SORCS2: variants seen among roughly 807,000 people sequenced by gnomAD.
SORCS2 encodes the protein VPS10 domain-containing receptor SorCS2.
SORCS2 carries 100 observed loss-of-function variants against 141.6 expected under a neutral mutation model. The ratio of observed to expected loss-of-function variants is 0.71; its 90% confidence interval spans 0.60 to 0.83. The LOEUF (loss-of-function observed/expected upper bound fraction) is 0.83. Ranked by LOEUF, SORCS2 falls within the 40% of genes least tolerant of loss-of-function variation. SORCS2 has a pLI of 0.00. For synonymous variants in SORCS2, 789 were observed against 676.9 expected, an observed-to-expected ratio of 1.17 and a Z score of -2.57; for missense variants, 1,646 against 1,560.2, an observed-to-expected ratio of 1.05 and a Z score of -0.93.
At chr4:7,235,918 T>G (rs1352010505) in intron 1 of SORCS2, among the ~76,000 whole-genome samples, 1 of 152,122 alleles carries the variant, frequency 6.6e-6, no homozygotes, top group Non-Finnish European at 1.5e-5. Flanking sequence ...AAACTCTAGG[T>G]GCGAGTGTAA....
intron 1 of SORCS2, among the ~76,000 whole-genome samples, chr4:7,338,070 GAA>G (rs1720101028): frequency 1.3e-5 from 2 of 151,798 alleles, no homozygotes; most frequent in African/African-American, 4.8e-5. Context: ...CTGGCACCTA[GAA>G]GATGTTGGCT....
intron 3 of SORCS2, among the ~76,000 whole-genome samples, chr4:7,601,088 G>A (rs1198042413): frequency 3.9e-5 from 6 of 152,138 alleles, no homozygotes; most frequent in African/African-American, 1.2e-4. Context: ...GTTTCGCCGT[G>A]TTTCCTGGTC....
At chr4:7,254,490 T>TGTGGAGTGATAGACA (rs1267641553) in intron 1 of SORCS2, among the ~76,000 whole-genome samples, 3 of 151,992 alleles carry the variant, frequency 2.0e-5, no homozygotes, top group Admixed American at 1.3e-4. Flanking sequence ...GACTTATGAG[T>TGTGGAGTGATAGACA]GTGGAGTGAT....
At chr4:7,426,968 T>C (rs1577541964) in intron 2 of SORCS2, among the ~76,000 whole-genome samples, 1 of 152,138 alleles carries the variant, frequency 6.6e-6, no homozygotes, top group Non-Finnish European at 1.5e-5. Flanking sequence ...ACAGGCTTCC[T>C]GGGGCAGCCA....
At chr4:7,217,163 A>AC (rs994862766) in intron 1 of SORCS2, among the ~76,000 whole-genome samples, 8 of 152,232 alleles carry the variant, frequency 5.3e-5, no homozygotes, top group African/African-American at 1.9e-4. Context: ...CTGCAGCCTG[A>AC]CCAGCCTCAT....
In SORCS2 at chr4:7,254,812, G is replaced by T. The variant is rs78738897; in HGVS notation, c.480+61686G>T. Among the ~76,000 whole-genome samples the T allele has an allele frequency of 3.5e-3, 526 of 152,214 alleles. 1 individual carries two copies. Among genetic ancestry groups the T allele is most frequent in the African/African-American group, 0.012 (501 of 41,516 alleles). On this transcript the variant is annotated intron_variant, in intron 1 of 26. Transcript: ENST00000507866. Reference sequence around the variant, plus strand: ...GGAGGATTCTAATAACAGTGACTGTGCAGTGCTGTTGAGAGCAGAGTCTCT... The same window carrying T: ...GGAGGATTCTAATAACAGTGACTGTTCAGTGCTGTTGAGAGCAGAGTCTCT...
At chr4:7,699,889 T>C (rs923981493) in intron 12 of SORCS2, among the ~76,000 whole-genome samples, 1 of 152,118 alleles carries the variant, frequency 6.6e-6, no homozygotes, top group African/African-American at 2.4e-5. Flanking sequence ...TCCTAAATCA[T>C]TGTGGGAGCC....
intron 3 of SORCS2, among the ~76,000 whole-genome samples, chr4:7,627,741 C>A (rs1305236100): frequency 6.6e-6 from 1 of 151,016 alleles, no homozygotes; most frequent in African/African-American, 2.4e-5. Context: ...GCCCTCGGTC[C>A]ACACAAGAGA....
chr4:7,319,521 A>G (rs1258135965), intron 1 of SORCS2, among the ~76,000 whole-genome samples: 2 of 152,150 alleles, frequency 1.3e-5, no homozygotes, highest in Admixed American at 6.5e-5. Context: ...TCTGGACAAC[A>G]TAGTGAGATC....
At chr4:7,228,275 C>T (rs532997428) in intron 1 of SORCS2, among the ~76,000 whole-genome samples, 2 of 152,278 alleles carry the variant, frequency 1.3e-5, no homozygotes, top group South Asian at 4.1e-4. Flanking sequence ...ATTCTGACCA[C>T]CTTCTTTTAA....
rs1716224792 is a variant in SORCS2, at chr4:7,286,394, G to A, written c.480+93268G>A. On this transcript the variant is annotated intron_variant, in intron 1 of 26. Coordinates refer to ENST00000507866, the MANE Select transcript of SORCS2 (RefSeq NM_020777.3). The surrounding 1 kb of genome is among the most constrained non-coding windows in gnomAD (Gnocchi z 4.1). ...GGGAGCTACCTACTTTGGCCAGAAC[G>A]GAGCAGGGTGTGGGCGAAGGGAGAC... Among the ~76,000 whole-genome samples the A allele has an allele frequency of 6.6e-6, 1 of 152,194 alleles. No individual in the cohort carries two copies. Among genetic ancestry groups the A allele is most frequent in the African/African-American group, 2.4e-5 (1 of 41,446 alleles).
At chr4:7,289,973 A>G (rs1716500674) in intron 1 of SORCS2, among the ~76,000 whole-genome samples, 1 of 152,138 alleles carries the variant, frequency 6.6e-6, no homozygotes, top group African/African-American at 2.4e-5. Context: ...TTGCCTGAAA[A>G]GCCATCCTCT....
chr4:7,581,509 G>A (rs1247817468), intron 3 of SORCS2, among the ~76,000 whole-genome samples: 1 of 152,188 alleles, frequency 6.6e-6, no homozygotes, highest in African/African-American at 2.4e-5. Context: ...TGTTACGCAT[G>A]TGGCTGCTAT....
chr4:7,559,166 G>A (rs932208910), intron 3 of SORCS2, among the ~76,000 whole-genome samples: 4 of 152,118 alleles, frequency 2.6e-5, no homozygotes, highest in Admixed American at 2.6e-4. Context: ...GCTGCACTCT[G>A]CCCTGGCCTC....
At chr4:7,483,250 G>A (rs1730762644) in intron 2 of SORCS2, among the ~76,000 whole-genome samples, 1 of 150,670 alleles carries the variant, frequency 6.6e-6, no homozygotes, top group South Asian at 2.1e-4. Flanking sequence ...GTGAACCCGG[G>A]AGACGGAGGT....
At chr4:7,453,698 C>A (rs1728656196) in intron 2 of SORCS2, among the ~76,000 whole-genome samples, 1 of 113,356 alleles carries the variant, frequency 8.8e-6, no homozygotes, top group African/African-American at 3.6e-5. Context: ...TGGGGTCAGG[C>A]ACTGTGTTGG....
chr4:7,377,552 A>T (rs1220445097), intron 1 of SORCS2, among the ~76,000 whole-genome samples: 2 of 152,158 alleles, frequency 1.3e-5, no homozygotes, highest in African/African-American at 4.8e-5. Flanking sequence ...ACTTTCAATC[A>T]CTGTTAATTT....
rs554768259 is a variant in SORCS2, at chr4:7,393,226, C to T, written c.481-3062C>T. ...GTCTGGGAAAGATCCCTGTGGGCTG[C>T]GGGCTCAGGCAGCCTCTGGATGGGA... On this transcript the variant is annotated intron_variant, in intron 1 of 26. Transcript: ENST00000507866. Among the ~76,000 whole-genome samples the T allele has an allele frequency of 5.3e-5, 8 of 152,216 alleles. No homozygotes were observed. In the East Asian group the frequency reaches 7.8e-4, roughly 15 times the overall value.
intron 2 of SORCS2, among the ~76,000 whole-genome samples, chr4:7,447,750 C>T (rs1728091791): frequency 6.6e-6 from 1 of 152,108 alleles, no homozygotes; most frequent in Admixed American, 6.5e-5. Flanking sequence ...CGGAGCCGGG[C>T]ATTTCGAAAC....
Sources: allele counts gnomAD v4.1 joint callset (sites outside exome capture counted in the v4.1 genomes callset), GRCh38; gene constraint gnomAD v4.1.1; non-coding constraint Gnocchi (gnomAD v3.1); transcripts MANE v1.5; gene names NCBI Gene and HGNC (gene_info 2026-07-23, HGNC 2026-07-21).